Variants in MYO9B observed in about 807,000 individuals in gnomAD.
The protein encoded by MYO9B is unconventional myosin-IXb.
Under a neutral mutation model 229.5 loss-of-function variants are expected in MYO9B, and 71 were observed. The ratio of observed to expected loss-of-function variants is 0.31; its 90% CI spans 0.26 to 0.38. MYO9B has a LOEUF of 0.38. Among genes scored for constraint, MYO9B ranks in the 10% least tolerant of loss-of-function variants. The pLI is 1.00. For missense variants in MYO9B, 2,255 were observed against 2,920.5 expected (o/e 0.77, Z 5.25); for synonymous variants, 1,185 against 1,235.8 (o/e 0.96, Z 0.86).
intron 31 of MYO9B, 103 bp downstream of exon 31, chr19:17,205,439 GC>G: frequency 1.8e-6 from 2 of 1,138,522 alleles, no homozygotes; most frequent in Non-Finnish European, 2.6e-6. Context: ...GCATTGAGCA[GC>G]CAGTAGGGGG....
intron 7 of MYO9B, among the ~76,000 whole-genome samples, chr19:17,158,593 T>TA (rs77913861): frequency 0.014 from 1,941 of 137,916 alleles, 42 homozygotes; most frequent in African/African-American, 0.046. Flanking sequence ...AGACTCCATC[T>TA]AAAAAAAAAA....
intron 3 of MYO9B, among the ~76,000 whole-genome samples, chr19:17,150,454 A>G (rs973080387): frequency 6.6e-6 from 1 of 151,228 alleles, no homozygotes; most frequent in Non-Finnish European, 1.5e-5. Context: ...GGCGTTCAGC[A>G]GACCCTGAAT....
rs1366232003 is a variant in MYO9B, at chr19:17,145,430, A to C, written c.874A>C (p.Asn292His). The change falls in exon 3 of 40, where the codon AAC becomes CAC. Residue 292 changes from asparagine (N) to histidine (H), a missense_variant. Asn to His is a moderately conservative substitution (Grantham distance 68). Coordinates refer to ENST00000682292, the MANE Select transcript of MYO9B (RefSeq NM_004145.4). ...AAATGCCAAGACAGCCCACAACAAC[A>C]ACTCCAGCCGGTTTGGGAAATTCAT... ...FGNAKTAHNN[N>H]SSRFGKFIQV... 6.2e-7 allele frequency: 1 copy of C among 1,613,868 alleles called. No individual in the cohort carries two copies. Among genetic ancestry groups the C allele is most frequent in the Non-Finnish European group, 8.5e-7 (1 of 1,179,900 alleles).
At chr19:17,092,288 T>C (rs1358216964) in intron 1 of MYO9B, among the ~76,000 whole-genome samples, 2 of 152,240 alleles carry the variant, frequency 1.3e-5, no homozygotes, top group African/African-American at 4.8e-5. Flanking sequence ...GGAGCTGCAC[T>C]GAGCCCCTGG....
chr19:17,122,871 A>G (rs1443473256), intron 2 of MYO9B, among the ~76,000 whole-genome samples: 1 of 152,198 alleles, frequency 6.6e-6, no homozygotes, highest in East Asian at 1.9e-4. Context: ...CAAGGCAGGA[A>G]GCTCACTTGA....
intron 2 of MYO9B, among the ~76,000 whole-genome samples, chr19:17,134,749 T>C (rs2072248017): frequency 6.6e-6 from 1 of 152,028 alleles, no homozygotes; most frequent in African/African-American, 2.4e-5. Context: ...AGTTTCTTTA[T>C]CCATTCATCT....
At chr19:17,107,060 C>T (rs117916825) in intron 2 of MYO9B, among the ~76,000 whole-genome samples, 9,786 of 151,636 alleles carry the variant, frequency 0.065, 337 homozygotes, top group South Asian at 0.11. Flanking sequence ...CGAAATCTGT[C>T]TCAAAATTAA....
intron 11 of MYO9B, among the ~76,000 whole-genome samples, chr19:17,168,424 C>G (rs903878261): frequency 6.6e-6 from 1 of 152,204 alleles, no homozygotes; most frequent in Non-Finnish European, 1.5e-5. Context: ...CCTTGGCCTC[C>G]GAGAGTACTG....
At position 17,163,104 on chromosome 19, in the gene MYO9B, C is replaced by G. The variant is rs750083890; in HGVS notation, c.1653C>G (p.His551Gln). ...NEQLQYYFNQ[H>Q]IFKLEQEEYQ... is the part of the protein sequence containing the mutation. ...AGCTGCAGTATTACTTCAACCAGCA[C>G]ATCTTCAAGCTGGAGCAGGTGCGGA... Residue 551 changes from histidine (H) to glutamine (Q), a missense_variant, in exon 10 of 40, where the codon CAC (histidine) becomes CAG (glutamine). By Grantham distance (24) the His-to-Gln change is conservative (BLOSUM62 0). Around this residue, in one of 7 missense-constraint regions of MYO9B, gnomAD observed 220 missense variants for 404.5 expected, o/e 0.54. Coordinates refer to ENST00000682292, the MANE Select transcript of MYO9B (RefSeq NM_004145.4). 1.4e-5 allele frequency: 22 copies of G among 1,559,348 alleles called. No individual in the cohort carries two copies. The South Asian group carries it at 2.4e-4, about 17-fold the overall frequency.
rs192613876 is a variant in MYO9B, at chr19:17,160,979, G to A, written c.1420-1371G>A. ...CTCCCAAAATGCTGGGATTACAGGC[G>A]TGAGCCACGGTGCCCAGATTTTTTT... On this transcript the variant is annotated intron_variant, in intron 8 of 39. Transcript: ENST00000682292. Among the ~76,000 whole-genome samples the A allele has an allele frequency of 7.7e-3, 1,170 of 151,846 alleles. 8 individuals are homozygous for A. The highest frequency in any genetic ancestry group is 0.017 in the Middle Eastern group (5 of 288).
chr19:17,123,411 A>G (rs2057983511), intron 2 of MYO9B, among the ~76,000 whole-genome samples: 1 of 143,460 alleles, frequency 7.0e-6, no homozygotes, highest in Non-Finnish European at 1.5e-5. Context: ...CACTGCCTTT[A>G]TACAGTAGAA....
intron 3 of MYO9B, among the ~76,000 whole-genome samples, chr19:17,149,166 C>T (rs982948686): frequency 4.6e-5 from 7 of 151,952 alleles, no homozygotes; most frequent in African/African-American, 9.7e-5. Flanking sequence ...TCTGTAGAGA[C>T]GGGGTCCCAC....
At chr19:17,147,075 C>G (rs749059227) in intron 3 of MYO9B, among the ~76,000 whole-genome samples, 1 of 152,224 alleles carries the variant, frequency 6.6e-6, no homozygotes, top group African/African-American at 2.4e-5. Flanking sequence ...TCTGGCCCCT[C>G]GGCCTCAGCC....
At chr19:17,203,694 C>T (rs2073131984) in intron 30 of MYO9B, among the ~76,000 whole-genome samples, 1 of 152,060 alleles carries the variant, frequency 6.6e-6, no homozygotes, top group Non-Finnish European at 1.5e-5. Context: ...CCATATCCCA[C>T]CCCCTCAAAC....
intron 31 of MYO9B, among the ~76,000 whole-genome samples, chr19:17,205,746 C>T (rs1022912384): frequency 2.6e-5 from 4 of 152,136 alleles, no homozygotes; most frequent in African/African-American, 7.2e-5. Flanking sequence ...CCTTGGGTGG[C>T]CTACAAAGGA....
At chr19:17,120,899 G>T (rs2057957216) in intron 2 of MYO9B, among the ~76,000 whole-genome samples, 1 of 152,176 alleles carries the variant, frequency 6.6e-6, no homozygotes, top group Admixed American at 6.5e-5. Context: ...GGATTGCAAA[G>T]CCCTGGGATT....
At chr19:17,154,223 G>C (rs1299533583) in intron 5 of MYO9B, 92 bp from the exon 6 acceptor site, 2 of 1,388,532 alleles carry the variant, frequency 1.4e-6, no homozygotes, top group Non-Finnish European at 2.0e-6. Flanking sequence ...TGGTCCTGGG[G>C]CCCTGCCCCA....
At chr19:17,096,556 C>G (rs950079594) in intron 1 of MYO9B, among the ~76,000 whole-genome samples, 4 of 151,680 alleles carry the variant, frequency 2.6e-5, no homozygotes, top group African/African-American at 9.7e-5. Context: ...CCCAGGAGGT[C>G]GAGGCTGCAG....
intron 23 of MYO9B, 119 bp from the exon 24 acceptor site, chr19:17,198,065 A>C (rs2073066181): frequency 4.2e-6 from 6 of 1,440,558 alleles, no homozygotes; most frequent in Middle Eastern, 1.9e-4. Context: ...TCCGTTTCAA[A>C]AAAAAAAAAA....
Sources: allele counts gnomAD v4.1 joint callset (sites outside exome capture counted in the v4.1 genomes callset), GRCh38; gene constraint gnomAD v4.1.1; regional missense constraint gnomAD v4.1.1; transcripts MANE v1.5; gene names NCBI Gene and HGNC (gene_info 2026-07-23, HGNC 2026-07-21).